Variants in MATCAP2 observed in about 807,000 individuals in gnomAD.
MATCAP2 encodes the protein putative tyrosine carboxypeptidase MATCAP2.
chr7:36,352,550 G>A, the MATCAP2 span, among the ~76,000 whole-genome samples: 141 of 151,658 alleles, frequency 9.3e-4, no homozygotes, highest in South Asian at 3.3e-3. Context: ...AGTATGGGCC[G>A]GGCACGGTGG....
chr7:36,353,408 ACTTT>A, the MATCAP2 span, among the ~76,000 whole-genome samples: 1 of 151,322 alleles, frequency 6.6e-6, no homozygotes, highest in African/African-American at 2.4e-5. Flanking sequence ...TTTAGTACTA[ACTTT>A]CTGTTTTTCA....
chr7:36,389,291 G>C, the MATCAP2 span, among the ~76,000 whole-genome samples: 2 of 152,126 alleles, frequency 1.3e-5, no homozygotes, highest in African/African-American at 4.8e-5. Context: ...TTGAACTCCT[G>C]ACCTCGTGAT....
the MATCAP2 span, among the ~76,000 whole-genome samples, chr7:36,329,845 G>C: frequency 6.6e-6 from 1 of 151,854 alleles, no homozygotes; most frequent in Non-Finnish European, 1.5e-5. Flanking sequence ...ACTTAACCCA[G>C]GTGATCAAAC....
the MATCAP2 span, among the ~76,000 whole-genome samples, chr7:36,375,949 T>C: frequency 6.6e-6 from 1 of 152,240 alleles, no homozygotes; most frequent in African/African-American, 2.4e-5. Flanking sequence ...CTTTATCATT[T>C]TTTATTGCAT....
the MATCAP2 span, among the ~76,000 whole-genome samples, chr7:36,337,951 T>C: frequency 6.6e-6 from 1 of 152,138 alleles, no homozygotes; most frequent in Non-Finnish European, 1.5e-5. Flanking sequence ...TAAACTCTGA[T>C]CTTTGTTTTC....
chr7:36,329,564 G>A, the MATCAP2 span, among the ~76,000 whole-genome samples: 1 of 152,164 alleles, frequency 6.6e-6, no homozygotes, highest in South Asian at 2.1e-4. Context: ...CAGAAAACAT[G>A]GAGACATGTT....
At chr7:36,345,771 C>A in the MATCAP2 span, among the ~76,000 whole-genome samples, 1 of 152,088 alleles carries the variant, frequency 6.6e-6, no homozygotes. Context: ...CAAGCATAGG[C>A]ATACATCTTC....
the MATCAP2 span, among the ~76,000 whole-genome samples, chr7:36,371,144 T>C: frequency 7.9e-4 from 121 of 152,304 alleles, 1 homozygote; most frequent in African/African-American, 2.7e-3. Context: ...CTCACTCTGT[T>C]GCCCAGGTTG....
the MATCAP2 span, among the ~76,000 whole-genome samples, chr7:36,379,078 G>T: frequency 6.6e-6 from 1 of 152,268 alleles, no homozygotes; most frequent in Admixed American, 6.5e-5. Flanking sequence ...GCCCTGCCCT[G>T]CTTCGGCTTG....
At chr7:36,357,838 T>C in the MATCAP2 span, among the ~76,000 whole-genome samples, 1 of 152,232 alleles carries the variant, frequency 6.6e-6, no homozygotes, top group Non-Finnish European at 1.5e-5. Context: ...TCAAACCACT[T>C]AGATGATCAA....
the MATCAP2 span, among the ~76,000 whole-genome samples, chr7:36,358,388 A>T: frequency 2.0e-5 from 3 of 152,236 alleles, no homozygotes; most frequent in Non-Finnish European, 4.4e-5. Flanking sequence ...GATTAAACAG[A>T]TGGCATCTTC....
chr7:36,329,771 A>G, the MATCAP2 span, among the ~76,000 whole-genome samples: 2 of 152,222 alleles, frequency 1.3e-5, no homozygotes, highest in Non-Finnish European at 2.9e-5. Flanking sequence ...TATCACCCCA[A>G]AGACTATTTA....
At chr7:36,380,647 G>A in the MATCAP2 span, among the ~76,000 whole-genome samples, 1 of 152,218 alleles carries the variant, frequency 6.6e-6, no homozygotes, top group Non-Finnish European at 1.5e-5. Context: ...GGCAGGATCT[G>A]GAAATCTTAG....
the MATCAP2 span, among the ~76,000 whole-genome samples, chr7:36,333,148 C>T: frequency 1.4e-4 from 21 of 152,148 alleles, 1 homozygote; most frequent in African/African-American, 4.6e-4. Context: ...GCACAGTGCT[C>T]GAGCTTTGCT....
the MATCAP2 span, among the ~76,000 whole-genome samples, chr7:36,387,508 C>T: frequency 1.1e-4 from 17 of 151,920 alleles, no homozygotes; most frequent in Admixed American, 9.2e-4. Flanking sequence ...AATGAACTAC[C>T]GGGGGTTAAG....
At chr7:36,383,992 A>C in the MATCAP2 span, 403 of 674,182 alleles carry the variant, frequency 6.0e-4, 1 homozygote, top group African/African-American at 6.6e-3. Context: ...ATAGTCTAAA[A>C]ATTTTAAAAT....
the MATCAP2 span, chr7:36,390,001 C>T: frequency 1.2e-6 from 2 of 1,614,138 alleles, no homozygotes; most frequent in Non-Finnish European, 1.7e-6. Flanking sequence ...CCGTTTCCAT[C>T]GTCTCGTAGT....
At chr7:36,388,639 T>G in the MATCAP2 span, among the ~76,000 whole-genome samples, 1 of 152,248 alleles carries the variant, frequency 6.6e-6, no homozygotes, top group Non-Finnish European at 1.5e-5. Flanking sequence ...ACAGAAATTA[T>G]GTAACCTATC....
chr7:36,367,187 C>T, the MATCAP2 span: 1 of 1,192,112 alleles, frequency 8.4e-7, no homozygotes, highest in Non-Finnish European at 1.0e-6. Flanking sequence ...CGGTGCCCAG[C>T]AGCGCTTAGA....
Sources: gnomAD v4.1 joint callset for allele counts (sites outside exome capture counted in the v4.1 genomes callset) on GRCh38, gnomAD v4.1.1 for gene constraint, MANE v1.5 for transcripts, NCBI Gene and HGNC (gene_info 2026-07-23, HGNC 2026-07-21) for gene names.